The following PTPN11 variants were observed in gnomAD, a reference collection of about 807,000 sequenced individuals.
PTPN11 encodes the protein tyrosine-protein phosphatase non-receptor type 11.
A neutral mutation model predicts 78.8 loss-of-function variants in PTPN11; 6 were observed. The observed-to-expected ratio is 0.08, with a 90% CI of 0.04 to 0.15. The LOEUF (loss-of-function observed/expected upper bound fraction) is 0.15. Among genes scored for constraint, PTPN11 ranks in the 10% least tolerant of loss-of-function variants. The probability of loss-of-function intolerance (pLI) is 1.00; values close to 1 mark genes in which losing one functional copy is unlikely to be tolerated. For missense variants in PTPN11, 386 were observed against 744.8 expected (o/e 0.52, Z 5.61); for synonymous variants, 221 against 263.5 (o/e 0.84, Z 1.56).
chr12:112,495,054 A>T (rs1438639091), intron 13 of PTPN11, among the ~76,000 whole-genome samples: 1 of 152,198 alleles, frequency 6.6e-6, no homozygotes, highest in Non-Finnish European at 1.5e-5. Flanking sequence ...ATTGGGATGT[A>T]TCCCCATAAA....
intron 6 of PTPN11, among the ~76,000 whole-genome samples, chr12:112,466,642 G>A (rs1016024761): frequency 6.6e-6 from 1 of 152,068 alleles, no homozygotes; most frequent in Non-Finnish European, 1.5e-5. Context: ...GTGAGCCATG[G>A]CCCCCAGCCG....
At chr12:112,446,740 A>ATT (rs779244466) in intron 2 of PTPN11, among the ~76,000 whole-genome samples, 1 of 143,022 alleles carries the variant, frequency 7.0e-6, no homozygotes. Context: ...TTTCTTTTCA[A>ATT]TTTTTTTTTT....
chr12:112,472,634 G>A (rs1323350501), intron 6 of PTPN11, among the ~76,000 whole-genome samples: 3 of 151,302 alleles, frequency 2.0e-5, no homozygotes, highest in East Asian at 2.0e-4. Flanking sequence ...ACCCTCCCAC[G>A]TAGCTGGGAT....
At chr12:112,421,337 A>G (rs1008182794) in intron 1 of PTPN11, among the ~76,000 whole-genome samples, 3 of 152,220 alleles carry the variant, frequency 2.0e-5, no homozygotes, top group Admixed American at 2.0e-4. Context: ...CCACCACCAT[A>G]GTCAAGATAA....
At position 112,504,797 on chromosome 12, in the gene PTPN11, G is replaced by A. The variant is rs764960028; in HGVS notation, c.*32+1G>A. The A allele has an allele frequency of 2.0e-6, 3 of 1,502,586 alleles. No homozygotes were observed. The highest frequency in any genetic ancestry group is 1.4e-5 in the African/African-American group (1 of 72,192). The allele number at this position is 1,502,586 out of a possible 1,614,324, so 93.1% of individuals were successfully genotyped here. A position where few individuals can be genotyped will look rare whatever the true frequency, so the allele number is the denominator to read the frequency against. On this transcript the variant is annotated splice_donor_variant, in intron 15 of 15. Coordinates refer to ENST00000351677, the MANE Select transcript of PTPN11 (RefSeq NM_002834.5). LOFTEE classifies it low-confidence loss of function (3UTR_SPLICE). The surrounding 1 kb of genome is among the most constrained non-coding windows in gnomAD (Gnocchi z 4.7). ...TGCCAAAACTTCAGCACAGAAATAG[G>A]TATTTAAATGCAAGTGCTCTATTGG...
chr12:112,421,966 G>A (rs572438556), intron 1 of PTPN11, among the ~76,000 whole-genome samples: 1 of 152,232 alleles, frequency 6.6e-6, no homozygotes, highest in East Asian at 1.9e-4. Flanking sequence ...CATTCAACAG[G>A]AAGTTAATGA....
In PTPN11 at chr12:112,485,982, G is replaced by GA. The variant is rs1248676882; in HGVS notation, c.1225-477dup. ...GGCAACAGAGTAAGACTCTGTCTTG[G>GA]AAAAAAAAAAAAAAAAGAATGATAC... On this transcript the variant is annotated intron_variant, in intron 10 of 15. Transcript: ENST00000351677. 4.2e-3 allele frequency among the ~76,000 whole-genome samples: 509 copies of GA among 121,088 alleles called. 2 individuals are homozygous for GA. In the Middle Eastern group the frequency reaches 0.046, roughly 11 times the overall value. The allele number at this position is 121,088 out of a possible 152,430, so 79.4% of individuals were successfully genotyped here.
intron 13 of PTPN11, among the ~76,000 whole-genome samples, chr12:112,496,093 T>G (rs1194562807): frequency 2.0e-5 from 3 of 152,218 alleles, no homozygotes; most frequent in Non-Finnish European, 4.4e-5. Flanking sequence ...TAAGAAAGAT[T>G]TGTTCCTTCT....
intron 13 of PTPN11, among the ~76,000 whole-genome samples, chr12:112,496,996 AC>A: frequency 6.6e-6 from 1 of 152,086 alleles, no homozygotes; most frequent in Non-Finnish European, 1.5e-5. Flanking sequence ...AAATGGTAAA[AC>A]CCCATCTCTA....
At chr12:112,464,597 G>A (rs2038298673) in intron 6 of PTPN11, among the ~76,000 whole-genome samples, 1 of 151,960 alleles carries the variant, frequency 6.6e-6, no homozygotes, top group Non-Finnish European at 1.5e-5. Context: ...TAATTTTTTT[G>A]TATTTTTAGT....
chr12:112,467,027 T>C (rs2038337414), intron 6 of PTPN11, among the ~76,000 whole-genome samples: 1 of 152,178 alleles, frequency 6.6e-6, no homozygotes, highest in Non-Finnish European at 1.5e-5. Context: ...GTCACTGGGC[T>C]GCTGCTCCTG....
rs1328960848 is a variant in PTPN11 at position 112,488,035 on chromosome 12, C to T, written c.1380-408C>T. ...CTGGCCCCAAGTGATCCTCCTGCCT[C>T]GGCCTCCCAAAGTGCTGGTATTATA... On this transcript the variant is annotated intron_variant, in intron 11 of 15. Coordinates refer to ENST00000351677, the MANE Select transcript of PTPN11 (RefSeq NM_002834.5). Among the ~76,000 whole-genome samples the T allele has an allele frequency of 2.0e-5, 3 of 152,086 alleles. No individual in the cohort carries two copies. In the East Asian group the frequency reaches 5.8e-4, roughly 29 times the overall value.
intron 2 of PTPN11, among the ~76,000 whole-genome samples, chr12:112,447,172 G>C (rs2038006270): frequency 6.6e-6 from 1 of 151,958 alleles, no homozygotes; most frequent in Admixed American, 6.6e-5. Context: ...CTCAGACTTT[G>C]TTGACTTCTT....
intron 1 of PTPN11, among the ~76,000 whole-genome samples, chr12:112,428,591 T>C (rs1038764501): frequency 1.1e-4 from 17 of 151,934 alleles, no homozygotes; most frequent in Non-Finnish European, 2.2e-4. Flanking sequence ...TTGTCAGTGA[T>C]TGAATACACG....
chr12:112,427,182 G>T (rs1346859527), intron 1 of PTPN11, among the ~76,000 whole-genome samples: 3 of 151,866 alleles, frequency 2.0e-5, no homozygotes, highest in East Asian at 3.9e-4. Context: ...GAAGGTGGAG[G>T]TTGCAGTGAG....
chr12:112,481,303 T>G (rs1191781033), intron 9 of PTPN11, among the ~76,000 whole-genome samples: 1 of 152,162 alleles, frequency 6.6e-6, no homozygotes, highest in African/African-American at 2.4e-5. Context: ...ATCTTAGAAT[T>G]CAGACCTCAG....
chr12:112,443,402 A>AT (rs2037940247), intron 1 of PTPN11, among the ~76,000 whole-genome samples: 1 of 146,204 alleles, frequency 6.8e-6, no homozygotes, highest in Non-Finnish European at 1.5e-5. Context: ...TATGTTGCCC[A>AT]GGCTGGAGTA....
intron 1 of PTPN11, among the ~76,000 whole-genome samples, chr12:112,430,895 C>T (rs962009675): frequency 6.6e-6 from 1 of 152,130 alleles, no homozygotes; most frequent in Non-Finnish European, 1.5e-5. Flanking sequence ...TTTGCAAATT[C>T]TTATTAAAAT....
intron 6 of PTPN11, among the ~76,000 whole-genome samples, chr12:112,467,897 G>A (rs2135888116): frequency 6.6e-6 from 1 of 152,230 alleles, no homozygotes; most frequent in East Asian, 1.9e-4. Flanking sequence ...CCTTCCTTTA[G>A]GCCCCACCTC....
Sources: gnomAD v4.1 joint callset for allele counts (sites outside exome capture counted in the v4.1 genomes callset) on GRCh38, gnomAD v4.1.1 for gene constraint, Gnocchi (gnomAD v3.1) non-coding constraint, MANE v1.5 for transcripts, NCBI Gene and HGNC (gene_info 2026-07-23, HGNC 2026-07-21) for gene names.